Variants in BIRC6 observed in about 807,000 individuals in gnomAD.
BIRC6 encodes the protein baculoviral IAP repeat containing 6.
A neutral mutation model predicts 503.3 loss-of-function variants in BIRC6; 98 were observed. That is an observed-to-expected ratio of 0.19 (90% CI 0.17 to 0.23). The LOEUF (loss-of-function observed/expected upper bound fraction) is 0.23, where lower values mean the gene tolerates loss of function less well. Ranked by LOEUF, BIRC6 falls within the 10% of genes least tolerant of loss-of-function variation. The probability of loss-of-function intolerance (pLI) is 1.00; values close to 1 mark genes in which losing one functional copy is unlikely to be tolerated. For missense variants in BIRC6, 5,360 were observed against 5,806.0 expected (o/e 0.92, Z 2.50); for synonymous variants, 2,240 against 2,078.7 (o/e 1.08, Z -2.11).
intron 61 of BIRC6, among the ~76,000 whole-genome samples, chr2:32,537,717 A>G (rs996001349): frequency 3.3e-5 from 5 of 152,228 alleles, no homozygotes; most frequent in Non-Finnish European, 7.3e-5. Flanking sequence ...CTGCAATCCC[A>G]GCACTTTGGG....
At chr2:32,459,926 A>G (rs1373164285) in intron 23 of BIRC6, among the ~76,000 whole-genome samples, 1 of 151,334 alleles carries the variant, frequency 6.6e-6, no homozygotes, top group African/African-American at 2.4e-5. Context: ...TGACAGTGCT[A>G]TATTATTAAT....
At chr2:32,515,855 G>A (rs2054975782) in intron 55 of BIRC6, 85 bp downstream of exon 55, 3 of 1,296,278 alleles carry the variant, frequency 2.3e-6, no homozygotes, top group South Asian at 3.0e-5. Flanking sequence ...AATAAATTTA[G>A]TGAGGGTTGA....
At position 32,357,183 on chromosome 2, in the gene BIRC6, G is replaced by C. The variant is rs868093900; in HGVS notation, c.22G>C (p.Ala8Pro). 2.0e-6 allele frequency: 3 copies of C among 1,533,570 alleles called. No homozygotes were observed. Among genetic ancestry groups the C allele is most frequent in the Non-Finnish European group, 2.6e-6 (3 of 1,148,476 alleles). The allele number at this position is 1,533,570 out of a possible 1,614,324, so 95.0% of individuals were successfully genotyped here. A position where few individuals can be genotyped will look rare whatever the true frequency, so the allele number is the denominator to read the frequency against. MVTGGGA[A>P]PPGTVTEPLP... The stretch of plus-strand genomic sequence containing the variant: ...CCGGATGGTGACTGGTGGTGGTGCT[G>C]CACCTCCCGGGACTGTCACTGAGCC... Residue 8 changes from alanine (A) to proline (P), a missense_variant, in exon 1 of 74, where the codon GCA (alanine) becomes CCA (proline). Ala to Pro is a conservative substitution (Grantham distance 27, BLOSUM62 -1). Transcript: ENST00000421745. This position sits in a 1 kb window ranked among gnomAD's most constrained non-coding sequence, Gnocchi z 4.9.
intron 5 of BIRC6, among the ~76,000 whole-genome samples, 156 bp downstream of exon 5, chr2:32,392,306 T>G (rs528042260): frequency 1.3e-5 from 2 of 152,270 alleles, no homozygotes; most frequent in East Asian, 3.9e-4. Flanking sequence ...CAGGCTGGAG[T>G]GCAGCGCCAC....
chr2:32,532,240 C>G (rs373302752), intron 61 of BIRC6: 10 of 527,828 alleles, frequency 1.9e-5, no homozygotes, highest in Non-Finnish European at 3.9e-5. Context: ...ATACCACAAA[C>G]GGGCTGGCTT....
intron 41 of BIRC6, among the ~76,000 whole-genome samples, chr2:32,488,103 G>A (rs762023): frequency 0.38 from 57,395 of 151,880 alleles, 11,058 homozygotes; most frequent in Non-Finnish European, 0.43. Flanking sequence ...CTACTCAGGA[G>A]GCTGAGGCAG....
At chr2:32,533,793 C>T (rs1481644043) in intron 61 of BIRC6, among the ~76,000 whole-genome samples, 2 of 152,172 alleles carry the variant, frequency 1.3e-5, no homozygotes, top group Admixed American at 1.3e-4. Flanking sequence ...TCCTAAGAGC[C>T]TCCAGAAGCA....
rs543706301 is a variant in BIRC6, at chr2:32,505,001, C to G, written c.9500-4C>G. 2 of 1,610,296 alleles carry G rather than the reference C, an allele frequency of 1.2e-6. No homozygotes were observed. Among genetic ancestry groups the G allele is most frequent in the Non-Finnish European group, 8.5e-7 (1 of 1,177,346 alleles). ...TTATAATTTATGTAAAATATCTTCT[C>G]TAGGTACAATCACATCTAGCAGTCC... On this transcript the variant is annotated splice_polypyrimidine_tract_variant and splice_region_variant and intron_variant, in intron 49 of 73. Transcript: ENST00000421745.
chr2:32,462,069 G>T (rs1352580334), intron 23 of BIRC6, among the ~76,000 whole-genome samples: 1 of 151,814 alleles, frequency 6.6e-6, no homozygotes, highest in Non-Finnish European at 1.5e-5. Flanking sequence ...AAAAAAAGGT[G>T]GGGGGGATCA....
chr2:32,521,953 A>G (rs2055770387), intron 57 of BIRC6: 1 of 152,020 alleles, frequency 6.6e-6, no homozygotes. Flanking sequence ...ATTTCACTAA[A>G]TTTCGAAATA....
intron 16 of BIRC6, 61 bp downstream of exon 16, chr2:32,439,747 AC>A: frequency 2.7e-6 from 4 of 1,463,110 alleles, no homozygotes; most frequent in Non-Finnish European, 3.8e-6. Flanking sequence ...ATCAGATTTA[AC>A]ACACTATTAG....
chr2:32,507,359 G>A (rs2053913274), intron 50 of BIRC6, among the ~76,000 whole-genome samples: 1 of 152,180 alleles, frequency 6.6e-6, no homozygotes. Flanking sequence ...GAACCTGGGA[G>A]TTGGAGGTTG....
At chr2:32,520,817 AAC>A (rs2055577444) in intron 57 of BIRC6, among the ~76,000 whole-genome samples, 1 of 152,192 alleles carries the variant, frequency 6.6e-6, no homozygotes, top group South Asian at 2.1e-4. Context: ...ACTCTCTCAA[AAC>A]ACATACAAAC....
chr2:32,419,657 C>A (rs547899661), intron 10 of BIRC6, among the ~76,000 whole-genome samples: 1 of 151,788 alleles, frequency 6.6e-6, no homozygotes, highest in Non-Finnish European at 1.5e-5. Context: ...TTTAAAAGGC[C>A]GCAATTAATA....
chr2:32,487,753 T>C lies in BIRC6; in HGVS notation c.7920T>C (p.Asn2640=), dbSNP rs752884699. 6.2e-7 allele frequency: 1 copy of C among 1,613,562 alleles called. No individual in the cohort carries two copies. The highest frequency in any genetic ancestry group is 8.5e-7 in the Non-Finnish European group (1 of 1,179,536). The change falls in exon 41 of 74, where the codon AAT becomes AAC. Residue 2640 remains asparagine, a synonymous_variant. Transcript: ENST00000421745. ...IIQLSSVPML[N]VCFNKLFSML... ...AGTTATCATCTGTCCCAATGTTAAA[T>C]GTTTGTTTCAACAAACTTTTTTCCA... is the stretch of plus-strand genomic sequence containing the variant.
intron 6 of BIRC6, among the ~76,000 whole-genome samples, chr2:32,399,909 TC>T (rs2040414877): frequency 6.6e-6 from 1 of 152,074 alleles, no homozygotes; most frequent in Non-Finnish European, 1.5e-5. Flanking sequence ...TACCTGAGTC[TC>T]CCGAGTAGCT....
At position 32,442,241 on chromosome 2, in the gene BIRC6, T is replaced by G. The variant is rs1337975186; in HGVS notation, c.4106+15T>G. ...GGACCCGGAAGGTTAATAATTAAAA[T>G]TTTGCTTACCACTGTTGATTGCCTT... On this transcript the variant is annotated intron_variant, in intron 18 of 73. Coordinates refer to ENST00000421745, the MANE Select transcript of BIRC6 (RefSeq NM_016252.4). 2.5e-6 allele frequency: 4 copies of G among 1,601,366 alleles called. No individual in the cohort carries two copies. In the South Asian group the frequency reaches 3.4e-5, roughly 13 times the overall value.
intron 6 of BIRC6, among the ~76,000 whole-genome samples, chr2:32,396,751 T>G (rs2039939728): frequency 6.6e-6 from 1 of 151,898 alleles, no homozygotes. Flanking sequence ...TCAGATGGAG[T>G]CTTGCTCTGT....
At chr2:32,363,003 A>C (rs2149114106) in intron 1 of BIRC6, among the ~76,000 whole-genome samples, 1 of 152,254 alleles carries the variant, frequency 6.6e-6, no homozygotes, top group Admixed American at 6.5e-5. Context: ...GTGCCCCAAA[A>C]ATGTTTGTCT....
Sources: allele counts gnomAD v4.1 joint callset (sites outside exome capture counted in the v4.1 genomes callset), GRCh38; gene constraint gnomAD v4.1.1; non-coding constraint Gnocchi (gnomAD v3.1); transcripts MANE v1.5; gene names NCBI Gene and HGNC (gene_info 2026-07-23, HGNC 2026-07-21).